Variants in LARGE1 observed in about 807,000 individuals in gnomAD.
LARGE1 encodes the protein xylosyl- and glucuronyltransferase LARGE1.
A neutral mutation model predicts 87.6 loss-of-function variants in LARGE1; 43 were observed. The ratio of observed to expected loss-of-function variants is 0.49; its 90% CI spans 0.38 to 0.63. LARGE1 has a LOEUF of 0.63. Among genes scored for constraint, LARGE1 ranks in the 30% least tolerant of loss-of-function variants. The probability of loss-of-function intolerance (pLI) is 0.00; values close to 1 mark genes in which losing one functional copy is unlikely to be tolerated. For missense variants in LARGE1, 802 were observed against 1,000.2 expected (o/e 0.80, Z 2.67); for synonymous variants, 434 against 394.6 (o/e 1.10, Z -1.18).
chr22:33,418,859 G>A (rs942899878), intron 7 of LARGE1, among the ~76,000 whole-genome samples: 5 of 152,188 alleles, frequency 3.3e-5, no homozygotes, highest in Non-Finnish European at 7.3e-5. Flanking sequence ...TTGGGGCACA[G>A]GCAGGTCAAC....
At chr22:33,797,078 C>T (rs5754676) in intron 1 of LARGE1, among the ~76,000 whole-genome samples, 138,444 of 152,200 alleles carry the variant, frequency 0.91, 63,103 homozygotes, top group East Asian at 0.97. Flanking sequence ...TTGGGCTCTT[C>T]TAAAAGCATC....
At chr22:33,089,041 C>G in the LARGE1 span, among the ~76,000 whole-genome samples, 2 of 152,192 alleles carry the variant, frequency 1.3e-5, no homozygotes, top group Non-Finnish European at 2.9e-5. Context: ...TTTCCATCTA[C>G]TTCCTCACGA....
the LARGE1 span, among the ~76,000 whole-genome samples, chr22:33,138,349 T>C: frequency 6.6e-6 from 1 of 152,186 alleles, no homozygotes; most frequent in Non-Finnish European, 1.5e-5. Context: ...CTCCATTGTA[T>C]GTAGGAAGTA....
intron 4 of LARGE1, among the ~76,000 whole-genome samples, chr22:33,622,178 C>T (rs2079775630): frequency 6.6e-6 from 1 of 152,122 alleles, no homozygotes; most frequent in Admixed American, 6.5e-5. Context: ...CCTATAATCC[C>T]CATAATCCCC....
At chr22:33,424,509 T>A (rs1009194636) in intron 7 of LARGE1, among the ~76,000 whole-genome samples, 2 of 152,114 alleles carry the variant, frequency 1.3e-5, no homozygotes, top group African/African-American at 4.8e-5. Context: ...GAATGTCATA[T>A]CTCCCCCAAA....
intron 11 of LARGE1, among the ~76,000 whole-genome samples, chr22:33,265,250 C>T (rs1471977374): frequency 6.6e-6 from 1 of 152,098 alleles, no homozygotes; most frequent in Non-Finnish European, 1.5e-5. Context: ...AGTTCTTGGA[C>T]TGCCTCTAGC....
rs117600280 is a variant in LARGE1, at chr22:33,382,681, T to C, written c.1006-637A>G. ...CAGGCCATACTTATTAACTAGCTGC[T>C]GACAGGTGGCGCCGGGAGGTGAATT... On this transcript the variant is annotated intron_variant, in intron 8 of 14. Coordinates refer to ENST00000397394, the MANE Select transcript of LARGE1 (RefSeq NM_133642.5). Among the ~76,000 whole-genome samples the C allele has an allele frequency of 4.6e-5, 7 of 152,234 alleles. No homozygotes were observed. In the East Asian group the frequency reaches 7.7e-4, roughly 17 times the overall value.
At chr22:33,718,199 A>G (rs2082969073) in intron 2 of LARGE1, among the ~76,000 whole-genome samples, 1 of 152,144 alleles carries the variant, frequency 6.6e-6, no homozygotes, top group African/African-American at 2.4e-5. Context: ...GAGAACAAAC[A>G]CCTGGGGATC....
chr22:33,489,613 T>G (rs190230655), intron 6 of LARGE1, among the ~76,000 whole-genome samples: 2 of 152,322 alleles, frequency 1.3e-5, no homozygotes, highest in African/African-American at 4.8e-5. Context: ...TCATTCTGTC[T>G]TGTTTGCCAC....
At chr22:33,850,268 T>G (rs1016287518) in intron 1 of LARGE1, among the ~76,000 whole-genome samples, 5 of 152,146 alleles carry the variant, frequency 3.3e-5, no homozygotes, top group African/African-American at 1.2e-4. Context: ...TTCTAACCCC[T>G]ATTTTCCCAT....
intron 10 of LARGE1, among the ~76,000 whole-genome samples, chr22:33,323,370 A>G (rs978636055): frequency 4.6e-5 from 7 of 152,222 alleles, no homozygotes; most frequent in African/African-American, 1.7e-4. Flanking sequence ...TGCTTCATCA[A>G]TTTAATCCTT....
At chr22:33,235,707 G>A (rs1342611036) in intron 11 of LARGE1, among the ~76,000 whole-genome samples, 1 of 152,144 alleles carries the variant, frequency 6.6e-6, no homozygotes, top group Admixed American at 6.5e-5. Context: ...AAGAGGAGAT[G>A]TCCAAGACTA....
intron 11 of LARGE1, among the ~76,000 whole-genome samples, chr22:33,184,533 G>A (rs1256169844): frequency 1.3e-5 from 2 of 151,228 alleles, no homozygotes; most frequent in South Asian, 4.2e-4. Flanking sequence ...ATAGGAGTTA[G>A]AAAAAGATAA....
At chr22:33,170,599 T>G (rs1922514985) in intron 11 of LARGE1, among the ~76,000 whole-genome samples, 1 of 152,162 alleles carries the variant, frequency 6.6e-6, no homozygotes, top group Non-Finnish European at 1.5e-5. Context: ...TAGTTTCCTC[T>G]GCACTCTTTC....
chr22:33,521,627 T>A (rs1203763246), intron 6 of LARGE1, among the ~76,000 whole-genome samples: 1 of 152,180 alleles, frequency 6.6e-6, no homozygotes, highest in Non-Finnish European at 1.5e-5. Flanking sequence ...TGGGAGGAGC[T>A]ACACAGTCTT....
chr22:33,270,302 C>T (rs1200691134), downstream of LARGE1, among the ~76,000 whole-genome samples: 3 of 118,404 alleles, frequency 2.5e-5, no homozygotes, highest in African/African-American at 1.2e-4. Context: ...AATAATAAAC[C>T]CTTAGGGTTA....
At chr22:33,745,591 G>A (rs1320007263) in intron 2 of LARGE1, among the ~76,000 whole-genome samples, 1 of 152,144 alleles carries the variant, frequency 6.6e-6, no homozygotes, top group Non-Finnish European at 1.5e-5. Flanking sequence ...GCAGCATTTT[G>A]AGAAGCGTTA....
chr22:33,395,451 A>G (rs566447552), intron 7 of LARGE1, among the ~76,000 whole-genome samples: 1 of 152,250 alleles, frequency 6.6e-6, no homozygotes, highest in South Asian at 2.1e-4. Flanking sequence ...TGCATCTGAA[A>G]CCATCCAAGT....
chr22:33,365,429 C>T lies in LARGE1; in HGVS notation c.1131+16490G>A, dbSNP rs142322217. Among the ~76,000 whole-genome samples, 379 of 152,254 alleles carry T rather than the reference C, an allele frequency of 2.5e-3. 4 individuals are homozygous for T. The highest frequency in any genetic ancestry group is 8.2e-3 in the African/African-American group (339 of 41,560). Reference sequence around the variant, plus strand: ...TAAAATTATTTGTGGTCTTAATTTTCACTTCCCTGATGAACAGCGAGGCTA... The same window carrying T: ...TAAAATTATTTGTGGTCTTAATTTTTACTTCCCTGATGAACAGCGAGGCTA... On this transcript the variant is annotated intron_variant, in intron 9 of 14. Coordinates refer to ENST00000397394, the MANE Select transcript of LARGE1 (RefSeq NM_133642.5).
Sources: gnomAD v4.1 joint callset for allele counts (sites outside exome capture counted in the v4.1 genomes callset) on GRCh38, gnomAD v4.1.1 for gene constraint, MANE v1.5 for transcripts, NCBI Gene and HGNC (gene_info 2026-07-23, HGNC 2026-07-21) for gene names.